RGS7BP: variants seen among roughly 807,000 people sequenced by gnomAD.
The protein encoded by RGS7BP is regulator of G protein signaling 7-binding protein.
Under a neutral mutation model 31.3 loss-of-function variants are expected in RGS7BP, and 9 were observed. The ratio of observed to expected loss-of-function variants is 0.29; its 90% CI spans 0.17 to 0.50. The LOEUF is 0.50. RGS7BP is among the 20% of genes least tolerant of loss of function. The probability of loss-of-function intolerance (pLI) is 0.98; values close to 1 mark genes in which losing one functional copy is unlikely to be tolerated. For synonymous variants in RGS7BP, 115 were observed against 120.1 expected, an observed-to-expected ratio of 0.96 and a Z score of 0.28; for missense variants, 274 against 322.0, an observed-to-expected ratio of 0.85 and a Z score of 1.14.
At position 64,590,286 on chromosome 5, in the gene RGS7BP, C is replaced by T. The variant is rs983103252; in HGVS notation, c.464-4424C>T. ...CTATTTTCGGTCATATAAAAACTAACGAATTTTGCATTCCACAGATCTCCT... is the reference window on the plus strand; with the variant it reads ...CTATTTTCGGTCATATAAAAACTAATGAATTTTGCATTCCACAGATCTCCT... On this transcript the variant is annotated intron_variant, in intron 3 of 5. Coordinates refer to ENST00000334025, the MANE Select transcript of RGS7BP (RefSeq NM_001029875.3). Among the ~76,000 whole-genome samples the T allele has an allele frequency of 7.9e-5, 12 of 151,788 alleles. No individual in the cohort carries two copies. In the South Asian group the frequency reaches 8.3e-4, roughly 11 times the overall value.
chr5:64,577,240 C>T (rs1473176042), intron 3 of RGS7BP, among the ~76,000 whole-genome samples: 1 of 152,050 alleles, frequency 6.6e-6, no homozygotes, highest in Admixed American at 6.6e-5. Flanking sequence ...AGATTGAGAC[C>T]ATCCTGGCTA....
intron 5 of RGS7BP, among the ~76,000 whole-genome samples, chr5:64,599,668 G>A (rs1743170077): frequency 6.6e-6 from 1 of 152,246 alleles, no homozygotes; most frequent in Non-Finnish European, 1.5e-5. Flanking sequence ...TAGAAAACAT[G>A]CTTTAGTGAT....
chr5:64,593,125 C>T (rs552932582), intron 3 of RGS7BP, among the ~76,000 whole-genome samples: 3 of 152,320 alleles, frequency 2.0e-5, no homozygotes, highest in African/African-American at 7.2e-5. Context: ...ATAAAGTACA[C>T]AGGAAAGGAT....
intron 2 of RGS7BP, among the ~76,000 whole-genome samples, chr5:64,513,759 CTT>C (rs900190080): frequency 1.2e-4 from 19 of 152,278 alleles, no homozygotes; most frequent in South Asian, 8.3e-4. Context: ...CCCACTCTGT[CTT>C]TTCTTTTCTC....
At chr5:64,541,640 TGA>T (rs1741528396) in intron 2 of RGS7BP, among the ~76,000 whole-genome samples, 1 of 152,266 alleles carries the variant, frequency 6.6e-6, no homozygotes, top group South Asian at 2.1e-4. Context: ...ATTTTTTCAC[TGA>T]GTTTTCTTAA....
intron 2 of RGS7BP, among the ~76,000 whole-genome samples, chr5:64,537,468 G>A (rs533217663): frequency 3.9e-5 from 6 of 152,216 alleles, no homozygotes; most frequent in Middle Eastern, 3.4e-3. Flanking sequence ...TATAGTTAGC[G>A]TTGAATTTTT....
chr5:64,511,324 T>C (rs989780446), intron 2 of RGS7BP, among the ~76,000 whole-genome samples: 17 of 152,250 alleles, frequency 1.1e-4, no homozygotes, highest in Non-Finnish European at 2.2e-4. Flanking sequence ...GATATCTGCA[T>C]TCTGGACAGA....
At position 64,507,839 on chromosome 5, in the gene RGS7BP, G is replaced by A. The variant is rs1390896575; in HGVS notation, c.294G>A (p.Met98Ile). ...AGACAAGAACCAAAGGCTGTGAAAT[G>A]GCCCGTCAGGCACACCAAAAATTGG... ...MHKTRTKGCE[M>I]ARQAHQKLAA... Residue 98 changes from methionine to isoleucine, a missense_variant, in exon 2 of 6, where the codon ATG becomes ATA. Coordinates refer to ENST00000334025, the MANE Select transcript of RGS7BP (RefSeq NM_001029875.3). 1.2e-6 allele frequency: 2 copies of A among 1,613,810 alleles called. No individual in the cohort carries two copies. The highest frequency in any genetic ancestry group is 1.7e-6 in the Non-Finnish European group (2 of 1,179,882).
intron 2 of RGS7BP, among the ~76,000 whole-genome samples, chr5:64,548,592 C>T (rs1185482409): frequency 2.6e-5 from 4 of 152,084 alleles, no homozygotes; most frequent in African/African-American, 7.2e-5. Context: ...TCACTGCAAC[C>T]TCCGCCTCCT....
At chr5:64,574,554 C>T (rs951790949) in intron 2 of RGS7BP, among the ~76,000 whole-genome samples, 1 of 152,130 alleles carries the variant, frequency 6.6e-6, no homozygotes, top group Non-Finnish European at 1.5e-5. Flanking sequence ...TTTATTCTGT[C>T]TGACACAGTT....
chr5:64,514,838 C>G (rs1000536586), intron 2 of RGS7BP, among the ~76,000 whole-genome samples: 1 of 152,142 alleles, frequency 6.6e-6, no homozygotes, highest in Non-Finnish European at 1.5e-5. Context: ...TTCTAACTCA[C>G]ACCAGATTAA....
At chr5:64,587,494 A>G (rs139448637) in intron 3 of RGS7BP, among the ~76,000 whole-genome samples, 1 of 152,290 alleles carries the variant, frequency 6.6e-6, no homozygotes, top group African/African-American at 2.4e-5. Context: ...GATTGCTGGA[A>G]CTGCTGTCAG....
chr5:64,581,623 T>C (rs1742599439), intron 3 of RGS7BP, among the ~76,000 whole-genome samples: 1 of 152,222 alleles, frequency 6.6e-6, no homozygotes, highest in Non-Finnish European at 1.5e-5. Flanking sequence ...AAAAACAAGC[T>C]ACAAATAACT....
chr5:64,594,869 GTT>G lies in RGS7BP; in HGVS notation c.611+13_611+14del. The G allele has an allele frequency of 2.5e-6, 4 of 1,612,566 alleles. No individual in the cohort carries two copies. The Admixed American group carries it at 6.7e-5, about 27-fold the overall frequency. ...GAGAACACTGAAAGGTAAGTGGGAA[GTT>G]ACCCTGAATAGACTGCCAATCCTCC... On this transcript the variant is annotated intron_variant, in intron 4 of 5. Coordinates refer to ENST00000334025, the MANE Select transcript of RGS7BP (RefSeq NM_001029875.3).
intron 2 of RGS7BP, among the ~76,000 whole-genome samples, chr5:64,527,242 G>T (rs1477945265): frequency 6.6e-6 from 1 of 152,198 alleles, no homozygotes; most frequent in Non-Finnish European, 1.5e-5. Context: ...GCCTGGTATA[G>T]AGCAGTGTGG....
intron 2 of RGS7BP, among the ~76,000 whole-genome samples, chr5:64,526,414 C>G (rs1749232380): frequency 6.6e-6 from 1 of 152,174 alleles, no homozygotes; most frequent in Non-Finnish European, 1.5e-5. Context: ...TGCTGAATCA[C>G]TAAATCCTAG....
At chr5:64,590,067 G>T (rs1309260408) in intron 3 of RGS7BP, among the ~76,000 whole-genome samples, 2 of 151,666 alleles carry the variant, frequency 1.3e-5, no homozygotes, top group Non-Finnish European at 2.9e-5. Flanking sequence ...TAATAGTATA[G>T]AATCAAATTG....
chr5:64,594,718 C>A lies in RGS7BP; in HGVS notation c.472C>A (p.Pro158Thr), dbSNP rs768520530. 6.2e-6 allele frequency: 10 copies of A among 1,613,536 alleles called. No homozygotes were observed. The East Asian group carries it at 6.7e-5, about 11-fold the overall frequency. ...CACCCTCCCTCCCTTAGGAAAGGAA[C>A]CTGGCGGGGGAACCAAGAGTTTGGA... ...SLQFHRKGKE[P>T]GGGTKSLDCK... Residue 158 changes from proline (P) to threonine (T), a missense_variant, in exon 4 of 6, where the codon CCT (proline) becomes ACT (threonine). Pro to Thr is a conservative substitution (Grantham distance 38). Transcript: ENST00000334025.
chr5:64,543,770 T>C (rs1188183580), intron 2 of RGS7BP, among the ~76,000 whole-genome samples: 1 of 152,000 alleles, frequency 6.6e-6, no homozygotes, highest in Non-Finnish European at 1.5e-5. Flanking sequence ...CCAACAAAAG[T>C]GAAGGTTGAG....
Sources: gnomAD v4.1 joint callset for allele counts (sites outside exome capture counted in the v4.1 genomes callset) on GRCh38, gnomAD v4.1.1 for gene constraint, MANE v1.5 for transcripts, NCBI Gene and HGNC (gene_info 2026-07-23, HGNC 2026-07-21) for gene names.